The following ZNF521 variants were observed in gnomAD, a reference collection of about 807,000 sequenced individuals.
ZNF521 encodes the protein LYST-interacting protein 3.
ZNF521 carries 14 observed loss-of-function variants against 105.5 expected under a neutral mutation model. That is an observed-to-expected ratio of 0.13 (90% CI 0.09 to 0.21). The LOEUF (loss-of-function observed/expected upper bound fraction) is 0.21. Ranked by LOEUF, ZNF521 falls within the 10% of genes least tolerant of loss-of-function variation. The probability of loss-of-function intolerance (pLI) is 1.00; values close to 1 mark genes in which losing one functional copy is unlikely to be tolerated. For missense variants in ZNF521, 1,233 were observed against 1,629.7 expected (o/e 0.76, Z 4.19); for synonymous variants, 635 against 606.0 (o/e 1.05, Z -0.70).
At chr18:25,341,192 CAG>C (rs1179167786) in intron 2 of ZNF521, among the ~76,000 whole-genome samples, 3 of 152,170 alleles carry the variant, frequency 2.0e-5, no homozygotes, top group African/African-American at 7.2e-5. Flanking sequence ...ACCTATCTCT[CAG>C]GGGAAAAATA....
chr18:25,313,659 A>C (rs1162460655), intron 3 of ZNF521, among the ~76,000 whole-genome samples: 1 of 152,242 alleles, frequency 6.6e-6, no homozygotes, highest in East Asian at 1.9e-4. Flanking sequence ...TGAATTACCA[A>C]AATAACATAA....
At position 25,226,782 on chromosome 18, in the gene ZNF521, T is replaced by C. The variant is rs765855860; in HGVS notation, c.1136A>G (p.Lys379Arg). The change falls in exon 4 of 8, where the codon AAG becomes AGG. Residue 379 changes from lysine (K) to arginine (R), a missense_variant. Lys to Arg is a conservative substitution (Grantham distance 26, BLOSUM62 2). Transcript: ENST00000361524. This position sits in a 1 kb window ranked among gnomAD's most constrained non-coding sequence, Gnocchi z 4.1. Reference sequence around the variant, plus strand: ...AGCGGCCCTCTTCCTCCCTCGACTCTTTGGGATTGGCGGGGCAGCTTCCAC... The same window carrying C: ...AGCGGCCCTCTTCCTCCCTCGACTCCTTGGGATTGGCGGGGCAGCTTCCAC... ...TMVEAAPPIP[K>R]SRGRKRAAQQ... 4.8e-5 allele frequency: 78 copies of C among 1,613,990 alleles called. No homozygotes were observed. The highest frequency in any genetic ancestry group is 2.2e-5 in the South Asian group (2 of 91,080).
chr18:25,220,146 C>A (rs867810544), intron 4 of ZNF521, among the ~76,000 whole-genome samples: 1 of 152,130 alleles, frequency 6.6e-6, no homozygotes, highest in Non-Finnish European at 1.5e-5. Flanking sequence ...GGCCACAGGG[C>A]GTTCACAGAG....
chr18:25,270,638 A>G (rs1352267588), intron 3 of ZNF521, among the ~76,000 whole-genome samples: 2 of 152,214 alleles, frequency 1.3e-5, no homozygotes, highest in Non-Finnish European at 2.9e-5. Context: ...AAATCAATAA[A>G]CATAATCCAT....
intron 3 of ZNF521, among the ~76,000 whole-genome samples, chr18:25,303,299 TGTGTGTGTGTGAGAGA>T (rs1911753941): frequency 1.8e-5 from 2 of 113,146 alleles, no homozygotes; most frequent in African/African-American, 4.3e-5. Context: ...TGTGTGTGTG[TGTGTGTGTGTGAGAGA>T]GAGACGGAGT....
chr18:25,064,232 T>C (rs551637527), intron 7 of ZNF521, among the ~76,000 whole-genome samples: 1 of 152,120 alleles, frequency 6.6e-6, no homozygotes, highest in Non-Finnish European at 1.5e-5. Flanking sequence ...TACATAAAAG[T>C]AAAGCAAGAT....
chr18:25,305,023 A>G lies in ZNF521; in HGVS notation c.220+16985T>C, dbSNP rs8094764. Among the ~76,000 whole-genome samples, 1,036 of 152,270 alleles carry G rather than the reference A, an allele frequency of 6.8e-3. 14 individuals are homozygous for G. The highest frequency in any genetic ancestry group is 0.023 in the African/African-American group (970 of 41,550). ...ACATATACTATAAGTATGTTCTTTA[A>G]TATGTTTGATGTGCTGCAAAAACAG... On this transcript the variant is annotated intron_variant, in intron 3 of 7. Transcript: ENST00000361524.
At chr18:25,214,244 C>A (rs1235892616) in intron 4 of ZNF521, among the ~76,000 whole-genome samples, 1 of 152,036 alleles carries the variant, frequency 6.6e-6, no homozygotes, top group Admixed American at 6.6e-5. Context: ...AGAATTATTG[C>A]ATTCTTTTTA....
intron 5 of ZNF521, among the ~76,000 whole-genome samples, chr18:25,158,852 AG>A (rs1567987356): frequency 6.6e-6 from 1 of 152,004 alleles, no homozygotes; most frequent in African/African-American, 2.4e-5. Context: ...GCTACTCTGG[AG>A]GCTGAGGCAG....
chr18:25,351,948 AGC>A, intron 1 of ZNF521, 55 bp downstream of exon 1: 1 of 310,432 alleles, frequency 3.2e-6, no homozygotes, highest in Non-Finnish European at 6.7e-6. Flanking sequence ...GGAGGAGGAG[AGC>A]CGGGAGCAGG....
At chr18:25,212,706 T>G (rs2036214844) in intron 4 of ZNF521, among the ~76,000 whole-genome samples, 2 of 150,586 alleles carry the variant, frequency 1.3e-5, no homozygotes, top group South Asian at 2.1e-4. Context: ...ATCTGATCAT[T>G]TATTCAAGTC....
At position 25,120,666 on chromosome 18, in the gene ZNF521, T is replaced by C. The variant is rs138038029; in HGVS notation, c.3659-28585A>G. 1.7e-3 allele frequency among the ~76,000 whole-genome samples: 263 copies of C among 150,584 alleles called. 5 individuals carry two copies. The highest frequency in any genetic ancestry group is 0.014 in the Admixed American group (216 of 15,152). On this transcript the variant is annotated intron_variant, in intron 5 of 7. Coordinates refer to ENST00000361524, the MANE Select transcript of ZNF521 (RefSeq NM_015461.3). ...GGACTGGCCTATAACCATAATTCAG[T>C]CAGCCACATGAGTATACTAAAAGGG...
intron 5 of ZNF521, among the ~76,000 whole-genome samples, chr18:25,164,608 T>C (rs1471358881): frequency 6.6e-6 from 1 of 152,098 alleles, no homozygotes; most frequent in Non-Finnish European, 1.5e-5. Flanking sequence ...TCTCAGGAGA[T>C]TTTTGCCCTC....
At chr18:25,217,787 C>T (rs953705865) in intron 4 of ZNF521, among the ~76,000 whole-genome samples, 3 of 152,166 alleles carry the variant, frequency 2.0e-5, no homozygotes, top group Non-Finnish European at 4.4e-5. Context: ...AATCACAAAG[C>T]AGTGTAACAA....
chr18:25,212,565 A>ATATGTG (rs1227568202), intron 4 of ZNF521, among the ~76,000 whole-genome samples: 1 of 112,870 alleles, frequency 8.9e-6, no homozygotes, highest in African/African-American at 3.6e-5. Flanking sequence ...ATATATATAT[A>ATATGTG]TGTATAGAAA....
chr18:25,337,822 CA>C (rs148128356), intron 2 of ZNF521, among the ~76,000 whole-genome samples: 5,033 of 152,182 alleles, frequency 0.033, 281 homozygotes, highest in African/African-American at 0.11. Context: ...TCCTGCAACA[CA>C]GATAAGTAAC....
At chr18:25,340,267 A>G (rs1048914492) in intron 2 of ZNF521, among the ~76,000 whole-genome samples, 2 of 152,132 alleles carry the variant, frequency 1.3e-5, no homozygotes, top group African/African-American at 2.4e-5. Flanking sequence ...AGGTGAGAGG[A>G]TCGCTTGAAC....
intron 5 of ZNF521, among the ~76,000 whole-genome samples, chr18:25,099,166 T>C (rs999448436): frequency 6.6e-6 from 1 of 152,160 alleles, no homozygotes; most frequent in Non-Finnish European, 1.5e-5. Flanking sequence ...ACATGGCTCA[T>C]AGCTGGAACT....
chr18:25,287,322 C>T (rs1174201301), intron 3 of ZNF521, among the ~76,000 whole-genome samples: 2 of 152,182 alleles, frequency 1.3e-5, no homozygotes, highest in South Asian at 2.1e-4. Context: ...TACTCTTAAG[C>T]GCTCTTCCTG....
Sources: allele counts gnomAD v4.1 joint callset (sites outside exome capture counted in the v4.1 genomes callset), GRCh38; gene constraint gnomAD v4.1.1; non-coding constraint Gnocchi (gnomAD v3.1); transcripts MANE v1.5; gene names NCBI Gene and HGNC (gene_info 2026-07-23, HGNC 2026-07-21).